The following KCNMB2 variants were observed in gnomAD, a reference collection of about 807,000 sequenced individuals.
The protein encoded by KCNMB2 is calcium-activated potassium channel subunit beta-2.
A neutral mutation model predicts 24.5 loss-of-function variants in KCNMB2; 9 were observed. The ratio of observed to expected loss-of-function variants is 0.37; its 90% CI spans 0.22 to 0.64. The LOEUF is 0.64. Among genes scored for constraint, KCNMB2 ranks in the 30% least tolerant of loss-of-function variants. The pLI is 0.63. For synonymous variants in KCNMB2, 109 were observed against 104.4 expected, an observed-to-expected ratio of 1.04 and a Z score of -0.27; for missense variants, 226 against 284.3, an observed-to-expected ratio of 0.79 and a Z score of 1.47.
chr3:178,726,709 A>T (rs1722978964), intron 1 of KCNMB2, among the ~76,000 whole-genome samples: 1 of 152,060 alleles, frequency 6.6e-6, no homozygotes. Context: ...TAGACATTCA[A>T]ATATATTACT....
At chr3:178,778,230 C>A (rs1481969187) in intron 1 of KCNMB2, among the ~76,000 whole-genome samples, 1 of 152,172 alleles carries the variant, frequency 6.6e-6, no homozygotes, top group East Asian at 1.9e-4. Context: ...ATTGAGTCAT[C>A]TTTTGACCTT....
In KCNMB2 at chr3:178,697,898, G is replaced by GTT. The variant is rs35782704; in HGVS notation, c.-67-109436_-67-109435dup. 4.4e-3 allele frequency among the ~76,000 whole-genome samples: 659 copies of GTT among 150,744 alleles called. 3 individuals are homozygous for GTT. Among genetic ancestry groups the GTT allele is most frequent in the African/African-American group, 0.014 (595 of 41,112 alleles). ...CTGGATATGAAATTCTGGGTTAAAAGTTTTTTTTTTAAGAATGTTGAATAT... is the reference window on the plus strand; with the variant it reads ...CTGGATATGAAATTCTGGGTTAAAAGTTTTTTTTTTTTAAGAATGTTGAATAT... On this transcript the variant is annotated intron_variant, in intron 1 of 4. Transcript: ENST00000452583.
intron 1 of KCNMB2, among the ~76,000 whole-genome samples, chr3:178,758,163 A>AGGATATATATATATATATCCAAGG (rs1724253872): frequency 6.4e-5 from 2 of 31,454 alleles, no homozygotes; most frequent in African/African-American, 1.7e-4. Context: ...TATATCCAAG[A>AGGATATATATATATATATCCAAGG]GGATATATAT....
chr3:178,629,793 A>G (rs1719249876), intron 1 of KCNMB2, among the ~76,000 whole-genome samples: 1 of 152,218 alleles, frequency 6.6e-6, no homozygotes, highest in Non-Finnish European at 1.5e-5. Flanking sequence ...TGAATAGTCA[A>G]CCAGAAGTTT....
chr3:178,665,442 T>C (rs975587399), intron 1 of KCNMB2, among the ~76,000 whole-genome samples: 5 of 152,188 alleles, frequency 3.3e-5, no homozygotes, highest in Admixed American at 3.3e-4. Flanking sequence ...TAAAGGTTTT[T>C]ACTCCATCAA....
At chr3:178,550,795 T>C (rs1352695227) in intron 1 of KCNMB2, among the ~76,000 whole-genome samples, 1 of 152,200 alleles carries the variant, frequency 6.6e-6, no homozygotes, top group Non-Finnish European at 1.5e-5. Context: ...AAATGGGATC[T>C]GAATACCGGC....
chr3:178,833,810 A>C (rs1272870840), intron 4 of KCNMB2, among the ~76,000 whole-genome samples: 1 of 152,158 alleles, frequency 6.6e-6, no homozygotes, highest in Non-Finnish European at 1.5e-5. Flanking sequence ...CCTCTTGTCA[A>C]CATTATGACC....
rs146529233 is a variant in KCNMB2, at chr3:178,655,836, G to A, written c.-68+119125G>A. 2.3e-3 allele frequency among the ~76,000 whole-genome samples: 345 copies of A among 152,244 alleles called. 3 individuals are homozygous for A. Among genetic ancestry groups the A allele is most frequent in the African/African-American group, 7.9e-3 (330 of 41,554 alleles). ...GAAAGTTATTCATATAAAAGTAGGA[G>A]CTTCCCAGACTTCCTGAATTCACAA... On this transcript the variant is annotated intron_variant, in intron 1 of 4. Coordinates refer to ENST00000452583, the MANE Select transcript of KCNMB2 (RefSeq NM_181361.3).
chr3:178,596,975 A>T (rs1398244774), intron 1 of KCNMB2, among the ~76,000 whole-genome samples: 1 of 152,138 alleles, frequency 6.6e-6, no homozygotes. Flanking sequence ...TGGCTGGAGA[A>T]GAGAGAACAG....
At chr3:178,639,041 C>T (rs772457667) in intron 1 of KCNMB2, among the ~76,000 whole-genome samples, 4 of 152,068 alleles carry the variant, frequency 2.6e-5, no homozygotes, top group Admixed American at 6.6e-5. Context: ...TTTGTTTTAT[C>T]GGTTTTAGCT....
At chr3:178,757,494 C>A (rs1343270537) in intron 1 of KCNMB2, among the ~76,000 whole-genome samples, 4 of 32,556 alleles carry the variant, frequency 1.2e-4, no homozygotes, top group Admixed American at 3.8e-4. Context: ...GTATATATAT[C>A]CAAGAGGATA....
At chr3:178,624,805 C>T (rs548567397) in intron 1 of KCNMB2, among the ~76,000 whole-genome samples, 11 of 151,690 alleles carry the variant, frequency 7.3e-5, no homozygotes, top group East Asian at 2.0e-4. Flanking sequence ...CAACCTGTCC[C>T]GAGTGACAGA....
chr3:178,632,291 T>A (rs1034591046), intron 1 of KCNMB2, among the ~76,000 whole-genome samples: 23 of 152,342 alleles, frequency 1.5e-4, no homozygotes, highest in Non-Finnish European at 2.5e-4. Context: ...TCTCTATCCC[T>A]GGGATCAAAC....
chr3:178,718,115 T>C (rs956724523), intron 1 of KCNMB2, among the ~76,000 whole-genome samples: 2 of 152,258 alleles, frequency 1.3e-5, no homozygotes, highest in African/African-American at 4.8e-5. Flanking sequence ...GCTGTCCTTC[T>C]ATCAGCAGGC....
chr3:178,766,129 G>C (rs1712108802), intron 1 of KCNMB2, among the ~76,000 whole-genome samples: 1 of 152,018 alleles, frequency 6.6e-6, no homozygotes, highest in African/African-American at 2.4e-5. Flanking sequence ...CCTATAGGAA[G>C]CCTTCCCTTA....
intron 1 of KCNMB2, among the ~76,000 whole-genome samples, chr3:178,552,389 C>T (rs1421611158): frequency 6.6e-6 from 1 of 150,480 alleles, no homozygotes; most frequent in Non-Finnish European, 1.5e-5. Context: ...AACCCCCCCC[C>T]AAAATATTCT....
intron 1 of KCNMB2, among the ~76,000 whole-genome samples, chr3:178,636,103 G>A (rs1252727962): frequency 6.6e-6 from 1 of 152,162 alleles, no homozygotes; most frequent in South Asian, 2.1e-4. Flanking sequence ...TTATGTCCTT[G>A]AAATCTGTGT....
At chr3:178,818,157 A>T (rs1323933228) in intron 2 of KCNMB2, among the ~76,000 whole-genome samples, 1 of 152,102 alleles carries the variant, frequency 6.6e-6, no homozygotes, top group Admixed American at 6.5e-5. Flanking sequence ...TCCATGTTTT[A>T]GTGGCCACGC....
chr3:178,667,087 A>T (rs1720744674), intron 1 of KCNMB2, among the ~76,000 whole-genome samples: 1 of 151,984 alleles, frequency 6.6e-6, no homozygotes, highest in Non-Finnish European at 1.5e-5. Flanking sequence ...TATTTATTTT[A>T]TTTTTTTCAA....
Sources: gnomAD v4.1 joint callset for allele counts (sites outside exome capture counted in the v4.1 genomes callset) on GRCh38, gnomAD v4.1.1 for gene constraint, MANE v1.5 for transcripts, NCBI Gene and HGNC (gene_info 2026-07-23, HGNC 2026-07-21) for gene names.